MBP: variants seen among roughly 807,000 people sequenced by gnomAD.
MBP encodes myelin basic protein.
Under a neutral mutation model 35.8 loss-of-function variants are expected in MBP, and 16 were observed. The ratio of observed to expected loss-of-function variants is 0.45; its 90% CI spans 0.30 to 0.68. The LOEUF (loss-of-function observed/expected upper bound fraction) is 0.68, where lower values mean the gene tolerates loss of function less well. Among genes scored for constraint, MBP ranks in the 30% least tolerant of loss-of-function variants. MBP has a pLI of 0.08. For missense variants in MBP, 380 were observed against 404.7 expected (o/e 0.94, Z 0.52); for synonymous variants, 143 against 159.6 (o/e 0.90, Z 0.78).
intron 4 of MBP, chr18:77,012,844 A>C: frequency 1.0e-6 from 1 of 985,378 alleles, no homozygotes; most frequent in Non-Finnish European, 1.2e-6. Flanking sequence ...AAAATATATA[A>C]AGCCAAAAGC....
At chr18:77,039,930 T>C (rs915637885) in intron 3 of MBP, among the ~76,000 whole-genome samples, 11 of 152,248 alleles carry the variant, frequency 7.2e-5, no homozygotes, top group Non-Finnish European at 1.5e-4. Flanking sequence ...GGAATGCTGG[T>C]GCGGCCGGCT....
chr18:77,052,260 C>A (rs1323800676), intron 3 of MBP, among the ~76,000 whole-genome samples: 2 of 152,168 alleles, frequency 1.3e-5, no homozygotes, highest in East Asian at 3.9e-4. Flanking sequence ...TTATGGAAAC[C>A]AAATAGAAGT....
chr18:77,124,742 C>A (rs1164581590), intron 1 of MBP, among the ~76,000 whole-genome samples: 1 of 152,182 alleles, frequency 6.6e-6, no homozygotes, highest in Non-Finnish European at 1.5e-5. Context: ...TGAGCCAGGT[C>A]GCCTGCAGAG....
intron 3 of MBP, among the ~76,000 whole-genome samples, chr18:77,062,596 G>T (rs1974026136): frequency 6.6e-6 from 1 of 152,088 alleles, no homozygotes; most frequent in Non-Finnish European, 1.5e-5. Context: ...CCTTTGGTGA[G>T]ATTTTTACCA....
At position 77,061,521 on chromosome 18, in the gene MBP, T is replaced by C. The variant is rs1973980538; in HGVS notation, c.139+4777A>G. Among the ~76,000 whole-genome samples the C allele has an allele frequency of 2.0e-5, 3 of 152,180 alleles. No individual in the cohort carries two copies. In the South Asian group the frequency reaches 6.2e-4, roughly 32 times the overall value. On this transcript the variant is annotated intron_variant, in intron 3 of 8. Transcript: ENST00000355994. ...AGACACAAACAGAGGAGTTCATTGCTAAAAGCACACAGCTAAAAGGTGGTA... is the reference window on the plus strand; with the variant it reads ...AGACACAAACAGAGGAGTTCATTGCCAAAAGCACACAGCTAAAAGGTGGTA...
Position 76,988,558 on chromosome 18 carries a change from T to C in MBP, c.718-31A>G, listed in dbSNP as rs778137390. 1.2e-6 allele frequency: 2 copies of C among 1,601,634 alleles called. No individual in the cohort carries two copies. Among genetic ancestry groups the C allele is most frequent in the South Asian group, 2.2e-5 (2 of 89,444 alleles). On this transcript the variant is annotated intron_variant, in intron 6 of 8. Transcript: ENST00000355994. The surrounding 1 kb of genome is among the most constrained non-coding windows in gnomAD (Gnocchi z 5.2). ...TGAGGAAGACAGAGAAATAATGACA[T>C]GGTGGTCAGTGAAGGGAAAGTCCTT...
chr18:77,095,493 A>T (rs957806663), intron 2 of MBP: 1 of 152,220 alleles, frequency 6.6e-6, no homozygotes, highest in African/African-American at 2.4e-5. Context: ...ACAGCAATCC[A>T]GGTGTGGGTT....
intron 2 of MBP, among the ~76,000 whole-genome samples, chr18:77,092,608 G>A (rs1975580899): frequency 1.3e-5 from 2 of 152,084 alleles, no homozygotes; most frequent in Admixed American, 6.5e-5. Context: ...GACACAGGCC[G>A]AGATCCTCCC....
intron 2 of MBP, among the ~76,000 whole-genome samples, chr18:77,099,515 C>G (rs187292074): frequency 6.6e-6 from 1 of 152,276 alleles, no homozygotes; most frequent in African/African-American, 2.4e-5. Flanking sequence ...TCCCCTGTCT[C>G]TTTCCTCATT....
At chr18:77,071,440 C>T (rs1213788593) in intron 2 of MBP, among the ~76,000 whole-genome samples, 1 of 152,134 alleles carries the variant, frequency 6.6e-6, no homozygotes, top group African/African-American at 2.4e-5. Context: ...TGTTGTTGCT[C>T]TTCTGTTTTG....
chr18:77,001,318 A>T (rs1384403572), intron 4 of MBP, among the ~76,000 whole-genome samples: 2 of 152,208 alleles, frequency 1.3e-5, no homozygotes, highest in African/African-American at 4.8e-5. Flanking sequence ...GAGGAGAGTA[A>T]ATCACTAGAT....
In MBP at chr18:77,044,928, TGTGA is replaced by T. The variant is rs2144651737; in HGVS notation, c.139+21366_139+21369del. On this transcript the variant is annotated intron_variant, in intron 3 of 8. Coordinates refer to ENST00000355994, the MANE Select transcript of MBP (RefSeq NM_001025101.2). The surrounding 1 kb of genome is among the most constrained non-coding windows in gnomAD (Gnocchi z 4.4). ...GTGAGTGTGTAAGAAAATGTGAGTC[TGTGA>T]GAGAACATGAGTGTGTGTGTGTAAG... 6.6e-6 allele frequency among the ~76,000 whole-genome samples: 1 copy of T among 150,490 alleles called. No individual in the cohort carries two copies. The highest frequency in any genetic ancestry group is 2.4e-5 in the African/African-American group (1 of 40,912).
chr18:77,025,483 G>C (rs28454850), intron 3 of MBP, among the ~76,000 whole-genome samples: 18,141 of 151,862 alleles, frequency 0.12, 2,638 homozygotes, highest in African/African-American at 0.34. Flanking sequence ...ATGAACAAAA[G>C]CCGAGTCCCA....
chr18:77,041,791 G>A (rs184490459), intron 3 of MBP, among the ~76,000 whole-genome samples: 1 of 111,022 alleles, frequency 9.0e-6, no homozygotes, highest in Non-Finnish European at 1.8e-5. Flanking sequence ...GGTGGGGGGA[G>A]GGGGGAGGGA....
At chr18:77,116,807 C>T (rs1976677877) in intron 1 of MBP, among the ~76,000 whole-genome samples, 1 of 152,030 alleles carries the variant, frequency 6.6e-6, no homozygotes, top group Non-Finnish European at 1.5e-5. Flanking sequence ...TGCACTGAGG[C>T]ACTGAGTCGA....
rs183828738 is a variant in MBP, at chr18:77,013,756, G to T, written c.576+3076C>A. On this transcript the variant is annotated intron_variant, in intron 4 of 8. Transcript: ENST00000355994. ...CTAAAAGTACACGGCACGGAGAAGTGGGGTACTGGGATGTCCTGGCTGCTT... is the reference window on the plus strand; with the variant it reads ...CTAAAAGTACACGGCACGGAGAAGTTGGGTACTGGGATGTCCTGGCTGCTT... 72 of 985,450 alleles carry T rather than the reference G, an allele frequency of 7.3e-5. No individual in the cohort carries two copies. The East Asian group carries it at 4.3e-3, about 59-fold the overall frequency. The allele number at this position is 985,450 out of a possible 1,614,324, so 61.0% of individuals were successfully genotyped here.
At chr18:76,982,948 T>C (rs1969292955) in intron 8 of MBP, 1 of 152,262 alleles carries the variant, frequency 6.6e-6, no homozygotes, top group South Asian at 2.1e-4. Flanking sequence ...GGGAAAATAC[T>C]GAACTTATTT....
chr18:77,113,775 G>A (rs1022997774), intron 1 of MBP: 2 of 152,476 alleles, frequency 1.3e-5, no homozygotes, highest in African/African-American at 2.4e-5. Context: ...CACAGACAAT[G>A]TTCTTCACCC....
chr18:77,046,116 T>C lies in MBP; in HGVS notation c.139+20182A>G, dbSNP rs1246566567. On this transcript the variant is annotated intron_variant, in intron 3 of 8. Transcript: ENST00000355994. ...AATTGCTGGATCAAACTTTGTCTAT[T>C]AACTACAGACATGAATGTTGGTATT... Among the ~76,000 whole-genome samples the C allele has an allele frequency of 2.0e-5, 3 of 152,380 alleles. No individual in the cohort carries two copies. In the East Asian group the frequency reaches 5.8e-4, roughly 29 times the overall value.
Sources: gnomAD v4.1 joint callset for allele counts (sites outside exome capture counted in the v4.1 genomes callset) on GRCh38, gnomAD v4.1.1 for gene constraint, Gnocchi (gnomAD v3.1) non-coding constraint, MANE v1.5 for transcripts, NCBI Gene and HGNC (gene_info 2026-07-23, HGNC 2026-07-21) for gene names.